The following WWOX variants were observed in gnomAD, a reference collection of about 807,000 sequenced individuals.
The protein encoded by WWOX is WW domain-containing oxidoreductase.
Under a neutral mutation model 46.2 loss-of-function variants are expected in WWOX, and 69 were observed. The ratio of observed to expected loss-of-function variants is 1.49; its 90% CI spans 1.23 to 1.82. WWOX has a LOEUF of 1.82. Ranked by LOEUF, WWOX falls within the 40% of genes most tolerant of loss-of-function variation. The pLI, the probability that WWOX is intolerant of heterozygous loss-of-function variation, is 0.00. For synonymous variants in WWOX, 359 were observed against 202.6 expected (o/e 1.77, Z -6.56); for missense variants, 919 against 542.6 (o/e 1.69, Z -6.89).
chr16:79,000,162 G>GC (rs1365727726), intron 8 of WWOX, among the ~76,000 whole-genome samples: 2 of 152,050 alleles, frequency 1.3e-5, no homozygotes, highest in East Asian at 3.9e-4. Flanking sequence ...CCATCTCCCT[G>GC]CACCCCTTCA....
At chr16:78,732,733 A>G (rs1382054862) in intron 8 of WWOX, among the ~76,000 whole-genome samples, 3 of 152,180 alleles carry the variant, frequency 2.0e-5, no homozygotes, top group African/African-American at 4.8e-5. Context: ...TAATTTAAAT[A>G]AAATAAAAGT....
intron 8 of WWOX, among the ~76,000 whole-genome samples, chr16:78,605,776 A>G (rs1311885886): frequency 6.6e-6 from 1 of 152,162 alleles, no homozygotes; most frequent in East Asian, 1.9e-4. Context: ...AGAAGCTCTG[A>G]TGAAGCAATG....
intron 5 of WWOX, among the ~76,000 whole-genome samples, chr16:78,239,179 T>C (rs2151816810): frequency 6.6e-6 from 1 of 152,304 alleles, no homozygotes. Flanking sequence ...CCATTCTGCA[T>C]TTCTCCCACG....
intron 6 of WWOX, among the ~76,000 whole-genome samples, chr16:78,416,895 G>A (rs929675931): frequency 5.3e-5 from 8 of 152,318 alleles, no homozygotes; most frequent in Middle Eastern, 6.8e-3. Flanking sequence ...ATTCACAGGG[G>A]TGAACTAACT....
intron 5 of WWOX, among the ~76,000 whole-genome samples, chr16:78,308,364 G>T (rs1001488843): frequency 1.3e-5 from 2 of 152,140 alleles, no homozygotes; most frequent in African/African-American, 4.8e-5. Flanking sequence ...GGGAAGAGGG[G>T]GTTGGATATG....
At chr16:78,279,184 C>T (rs974823112) in intron 5 of WWOX, among the ~76,000 whole-genome samples, 1 of 152,010 alleles carries the variant, frequency 6.6e-6, no homozygotes, top group Non-Finnish European at 1.5e-5. Context: ...AGCTCCAAGG[C>T]AGTTATGTGT....
At chr16:78,801,882 C>G (rs1197771978) in intron 8 of WWOX, among the ~76,000 whole-genome samples, 1 of 152,120 alleles carries the variant, frequency 6.6e-6, no homozygotes, top group Non-Finnish European at 1.5e-5. Flanking sequence ...TTGTCCTGAT[C>G]TAAAATTAAC....
chr16:78,716,668 G>A (rs1011571982), intron 8 of WWOX, among the ~76,000 whole-genome samples: 2 of 151,874 alleles, frequency 1.3e-5, no homozygotes, highest in Non-Finnish European at 2.9e-5. Flanking sequence ...CTCCTTGGGT[G>A]ACATCACACC....
intron 8 of WWOX, among the ~76,000 whole-genome samples, chr16:78,484,509 C>G (rs535066812): frequency 3.3e-5 from 5 of 152,254 alleles, no homozygotes; most frequent in African/African-American, 9.6e-5. Context: ...GACTTATTAG[C>G]TGCATTTATA....
chr16:78,697,515 G>C (rs1374241774), intron 8 of WWOX, among the ~76,000 whole-genome samples: 1 of 151,948 alleles, frequency 6.6e-6, no homozygotes, highest in African/African-American at 2.4e-5. Context: ...GTCTATACAA[G>C]GACTAATATC....
At chr16:78,788,324 C>G (rs760824879) in intron 8 of WWOX, among the ~76,000 whole-genome samples, 4 of 152,122 alleles carry the variant, frequency 2.6e-5, no homozygotes, top group African/African-American at 9.7e-5. Flanking sequence ...TACAATATTG[C>G]CTGTGTTAGG....
chr16:78,624,806 G>T (rs1178091431), intron 8 of WWOX, among the ~76,000 whole-genome samples: 1 of 152,160 alleles, frequency 6.6e-6, no homozygotes, highest in Non-Finnish European at 1.5e-5. Flanking sequence ...ATTATTCCCT[G>T]TACGATTTCT....
At chr16:78,431,010 G>C (rs755802161) in intron 7 of WWOX, among the ~76,000 whole-genome samples, 1 of 151,974 alleles carries the variant, frequency 6.6e-6, no homozygotes, top group Non-Finnish European at 1.5e-5. Flanking sequence ...TTCATTACCC[G>C]GTGCCCAGAA....
chr16:78,256,161 A>C (rs1420415793), intron 5 of WWOX, among the ~76,000 whole-genome samples: 1 of 151,044 alleles, frequency 6.6e-6, no homozygotes, highest in Non-Finnish European at 1.5e-5. Context: ...AAAAAAAAAA[A>C]AAAAAAAAAA....
intron 8 of WWOX, among the ~76,000 whole-genome samples, chr16:79,169,955 G>A (rs916084903): frequency 2.6e-5 from 4 of 152,188 alleles, no homozygotes; most frequent in African/African-American, 9.7e-5. Context: ...AGCAGAACTG[G>A]CTCTGTTGAC....
At chr16:78,903,326 G>A (rs1369651242) in intron 8 of WWOX, among the ~76,000 whole-genome samples, 3 of 152,156 alleles carry the variant, frequency 2.0e-5, no homozygotes, top group Non-Finnish European at 2.9e-5. Flanking sequence ...GTTTTGGAAA[G>A]CAACCAATCA....
chr16:78,382,355 G>GTA (rs1333657039), intron 5 of WWOX, among the ~76,000 whole-genome samples: 1 of 152,184 alleles, frequency 6.6e-6, no homozygotes, highest in Non-Finnish European at 1.5e-5. Flanking sequence ...TCCACATGCC[G>GTA]TAGAGGCTGG....
intron 8 of WWOX, among the ~76,000 whole-genome samples, chr16:78,674,113 A>ATTG (rs1190743581): frequency 6.6e-6 from 1 of 152,118 alleles, no homozygotes; most frequent in Non-Finnish European, 1.5e-5. Context: ...ATTGATTTAT[A>ATTG]ATTGAAATAT....
chr16:78,245,141 C>T (rs2037776697), intron 5 of WWOX, among the ~76,000 whole-genome samples: 1 of 152,056 alleles, frequency 6.6e-6, no homozygotes, highest in Admixed American at 6.6e-5. Flanking sequence ...GTTAATTATC[C>T]CATATGGATA....
Sources: allele counts gnomAD v4.1 joint callset (sites outside exome capture counted in the v4.1 genomes callset), GRCh38; gene constraint gnomAD v4.1.1; transcripts MANE v1.5; gene names NCBI Gene and HGNC (gene_info 2026-07-23, HGNC 2026-07-21).